Variants in CMSS1 observed in about 807,000 individuals in gnomAD.
CMSS1 encodes cms1 ribosomal small subunit homolog, also known as protein CMSS1.
A neutral mutation model predicts 43.5 loss-of-function variants in CMSS1; 33 were observed. The observed-to-expected ratio is 0.76, with a 90% CI of 0.57 to 1.01. The LOEUF (loss-of-function observed/expected upper bound fraction) is 1.01. Among genes scored for constraint, CMSS1 ranks in the 50% least tolerant of loss-of-function variants. The pLI, the probability that CMSS1 is intolerant of heterozygous loss-of-function variation, is 0.00. For synonymous variants in CMSS1, 115 were observed against 117.2 expected (o/e 0.98, Z 0.12); for missense variants, 313 against 326.4 (o/e 0.96, Z 0.32).
chr3:100,157,894 T>C (rs1303775584), intron 2 of CMSS1, among the ~76,000 whole-genome samples: 1 of 152,156 alleles, frequency 6.6e-6, no homozygotes, highest in African/African-American at 2.4e-5. Context: ...CCCTTTACTC[T>C]CTGTAGTACT....
intron 1 of CMSS1, among the ~76,000 whole-genome samples, chr3:99,939,399 A>G (rs763848277): frequency 5.3e-5 from 8 of 152,190 alleles, no homozygotes; most frequent in Non-Finnish European, 1.0e-4. Context: ...AAAGGACTCT[A>G]TTCTTCTTTA....
At chr3:99,832,076 G>A (rs1277800368) in intron 1 of CMSS1, among the ~76,000 whole-genome samples, 3 of 152,152 alleles carry the variant, frequency 2.0e-5, no homozygotes, top group South Asian at 4.1e-4. Flanking sequence ...AGGCCCAGCT[G>A]CCTGAAGGTT....
At chr3:99,862,508 T>A (rs1330615646) in intron 1 of CMSS1, among the ~76,000 whole-genome samples, 3 of 152,210 alleles carry the variant, frequency 2.0e-5, no homozygotes, top group Non-Finnish European at 4.4e-5. Context: ...GACATTTTGG[T>A]TAATTCTTTG....
intron 1 of CMSS1, among the ~76,000 whole-genome samples, chr3:100,111,694 A>G (rs1196718548): frequency 2.6e-5 from 4 of 152,080 alleles, no homozygotes; most frequent in African/African-American, 9.7e-5. Flanking sequence ...CTATAATACA[A>G]ATTTTCTTCT....
rs140453369 is a variant in CMSS1 at position 100,072,712 on chromosome 3, G to A, written c.65-74261G>A. ...CAGCTGAAATACAGATTATCTACTG[G>A]ACAGAGGTGATGAGGACTTATCACC... On this transcript the variant is annotated intron_variant, in intron 1 of 9. Coordinates refer to ENST00000421999, the MANE Select transcript of CMSS1 (RefSeq NM_032359.4). 4.0e-3 allele frequency among the ~76,000 whole-genome samples: 611 copies of A among 152,294 alleles called. 4 individuals carry two copies. Among genetic ancestry groups the A allele is most frequent in the African/African-American group, 0.014 (568 of 41,540 alleles).
At chr3:100,060,337 C>G (rs1253063604) in intron 1 of CMSS1, among the ~76,000 whole-genome samples, 18 of 152,178 alleles carry the variant, frequency 1.2e-4, no homozygotes. Flanking sequence ...ACTCCACCTC[C>G]TCTTCCATCC....
At chr3:99,967,402 G>C (rs1373453876) in intron 1 of CMSS1, among the ~76,000 whole-genome samples, 4 of 152,178 alleles carry the variant, frequency 2.6e-5, no homozygotes, top group Admixed American at 1.3e-4. Flanking sequence ...AAATAGAAGT[G>C]TTCACTTTTT....
intron 1 of CMSS1, among the ~76,000 whole-genome samples, chr3:99,904,111 A>G (rs555473764): frequency 1.3e-5 from 2 of 152,356 alleles, no homozygotes; most frequent in East Asian, 1.9e-4. Context: ...CAATTTTCAG[A>G]CAAGCACTTT....
At chr3:99,954,011 C>T (rs1708250704) in intron 1 of CMSS1, among the ~76,000 whole-genome samples, 1 of 152,194 alleles carries the variant, frequency 6.6e-6, no homozygotes, top group African/African-American at 2.4e-5. Flanking sequence ...TTTGTTGCAC[C>T]CTTAAGAGAG....
chr3:99,823,123 A>G (rs1157421830), intron 1 of CMSS1, among the ~76,000 whole-genome samples: 1 of 152,200 alleles, frequency 6.6e-6, no homozygotes. Flanking sequence ...TAATTTAGAA[A>G]GTCTTTTGTT....
chr3:99,946,047 A>T (rs1269356226), intron 1 of CMSS1, among the ~76,000 whole-genome samples: 1 of 152,252 alleles, frequency 6.6e-6, no homozygotes, highest in African/African-American at 2.4e-5. Context: ...AAAAAGATAA[A>T]GTTCTTGAAA....
intron 1 of CMSS1, among the ~76,000 whole-genome samples, chr3:99,926,085 G>A (rs566788122): frequency 6.6e-6 from 1 of 152,212 alleles, no homozygotes; most frequent in Non-Finnish European, 1.5e-5. Context: ...AAAAGATTTA[G>A]AATGTGTGAC....
chr3:99,858,049 G>A (rs560683208), intron 1 of CMSS1, among the ~76,000 whole-genome samples: 6 of 152,234 alleles, frequency 3.9e-5, no homozygotes, highest in South Asian at 4.1e-4. Flanking sequence ...GCAGTAGTTC[G>A]TAACCTTTTA....
intron 1 of CMSS1, among the ~76,000 whole-genome samples, chr3:100,007,516 G>A (rs1313456862): frequency 1.3e-5 from 2 of 152,156 alleles, no homozygotes; most frequent in African/African-American, 2.4e-5. Context: ...CTAGTCAGCA[G>A]AAACAGTAAG....
intron 1 of CMSS1, among the ~76,000 whole-genome samples, chr3:99,834,863 A>C (rs1216777597): frequency 3.9e-5 from 6 of 151,976 alleles, no homozygotes; most frequent in African/African-American, 1.5e-4. Flanking sequence ...ACCCATGTAA[A>C]CCTCAGTTTC....
At position 100,180,570 on chromosome 3, in the gene CMSS1, C is replaced by T. The variant is rs1209745019; in HGVS notation, c.*2182C>T. The stretch of plus-strand genomic sequence containing the variant: ...TCTGCTAAAGCATAGCAAGAGTGAC[C>T]TTTGCTCCAGTTCCTGATAAGTTCC... On this transcript the variant is annotated 3_prime_UTR_variant, in exon 10 of 10. Coordinates refer to ENST00000421999, the MANE Select transcript of CMSS1 (RefSeq NM_032359.4). The T allele has an allele frequency of 6.6e-6, 1 of 152,270 alleles. No individual in the cohort carries two copies. The highest frequency in any genetic ancestry group is 2.4e-5 in the African/African-American group (1 of 41,432). 9.4% of individuals were successfully genotyped at this position (152,270 alleles called of 1,614,324 possible). A position where few individuals can be genotyped will look rare whatever the true frequency, so the allele number is the denominator to read the frequency against.
At chr3:100,151,476 A>G (rs929399120) in intron 2 of CMSS1, among the ~76,000 whole-genome samples, 1 of 152,074 alleles carries the variant, frequency 6.6e-6, no homozygotes, top group African/African-American at 2.4e-5. Flanking sequence ...ATCTCTCACT[A>G]TTTGAGCCTC....
intron 1 of CMSS1, among the ~76,000 whole-genome samples, chr3:99,942,840 CT>C (rs1426486769): frequency 6.6e-6 from 1 of 150,610 alleles, no homozygotes; most frequent in African/African-American, 2.4e-5. Flanking sequence ...AAAAAAAAAA[CT>C]GAAAAACAAG....
rs765932581 is a variant in CMSS1, at chr3:99,929,920, C to T, written c.64+111877C>T. The T allele has an allele frequency of 2.5e-6, 4 of 1,613,726 alleles. No homozygotes were observed. In the African/African-American group the frequency reaches 5.3e-5, roughly 22 times the overall value. On this transcript the variant is annotated intron_variant, in intron 1 of 9. Coordinates refer to ENST00000421999, the MANE Select transcript of CMSS1 (RefSeq NM_032359.4). ...GGTAGATTTCGCTTGAAAAGCATCT[C>T]TCTGGAGAGCCTCTAACACCTTTTT...
Sources: gnomAD v4.1 joint callset for allele counts (sites outside exome capture counted in the v4.1 genomes callset) on GRCh38, gnomAD v4.1.1 for gene constraint, MANE v1.5 for transcripts, NCBI Gene and HGNC (gene_info 2026-07-23, HGNC 2026-07-21) for gene names.